Variants in GPRIN2 observed in about 807,000 individuals in gnomAD.
GPRIN2 encodes G protein regulated inducer of neurite outgrowth 2.
Under a neutral mutation model 0.3 loss-of-function variants are expected in GPRIN2, and 1 was observed. The ratio of observed to expected loss-of-function variants is 3.90; its 90% CI spans 1.39 to 18.51. The LOEUF is 18.51. Ranked by LOEUF, GPRIN2 falls within the 30% of genes most tolerant of loss-of-function variation. The probability of loss-of-function intolerance (pLI) is 0.11; values close to 1 mark genes in which losing one functional copy is unlikely to be tolerated. For missense variants in GPRIN2, 880 were observed against 604.2 expected, an observed-to-expected ratio of 1.46 and a Z score of -4.79; for synonymous variants, 361 against 258.6, an observed-to-expected ratio of 1.40 and a Z score of -3.80.
chr10:46,542,892 C>T lies in GPRIN2; in HGVS notation c.*6468G>A, dbSNP rs1392302908. 6.6e-6 allele frequency among the ~76,000 whole-genome samples: 1 copy of T among 152,310 alleles called. No individual in the cohort carries two copies. The highest frequency in any genetic ancestry group is 1.5e-5 in the Non-Finnish European group (1 of 68,056). ...GATGAGGAGATGGCCTGCCTAAAGCCAGCAGATGGGTGCCACCCACCTGAT... is the reference window on the plus strand; with the variant it reads ...GATGAGGAGATGGCCTGCCTAAAGCTAGCAGATGGGTGCCACCCACCTGAT... On this transcript the variant is annotated 3_prime_UTR_variant, in exon 3 of 3. Coordinates refer to ENST00000374314, the MANE Select transcript of GPRIN2 (RefSeq NM_001385282.1).
chr10:46,550,488 T>TC lies in GPRIN2; in HGVS notation c.248dup (p.Pro84ThrfsTer22). ...TCCACCAGTGGCCTCCAGCACTGGG[T>TC]CGCGCCTTGGGGCCAGAGGCCCGTG... is the stretch of plus-strand genomic sequence containing the variant. On this transcript the variant is annotated frameshift_variant, in exon 3 of 3. Transcript: ENST00000374314. LOFTEE classifies it low-confidence loss of function (END_TRUNC). 6.2e-7 allele frequency: 1 copy of TC among 1,609,378 alleles called. No individual in the cohort carries two copies. Among genetic ancestry groups the TC allele is most frequent in the East Asian group, 2.2e-5 (1 of 44,728 alleles).
In GPRIN2 at chr10:46,552,883, G is replaced by C. The variant is rs1832084519; in HGVS notation, c.-7+1702C>G. Among the ~76,000 whole-genome samples, 40 of 152,388 alleles carry C rather than the reference G, an allele frequency of 2.6e-4. No individual in the cohort carries two copies. In the South Asian group the frequency reaches 8.1e-3, roughly 31 times the overall value. On this transcript the variant is annotated intron_variant, in intron 2 of 2. Transcript: ENST00000374314. ...TTGTCCCTGGGAGGATCAGGAAGAG[G>C]AGGAGTAGCCAAGAGAGAAATCTGA...
chr10:46,555,438 C>T (rs1831913367), intron 1 of GPRIN2: 7 of 153,742 alleles, frequency 4.6e-5, no homozygotes, highest in African/African-American at 1.4e-4. Context: ...GGATACAGCA[C>T]CCTCCAGGAG....
Position 46,547,619 on chromosome 10 carries a change from G to A in GPRIN2, c.*1741C>T, listed in dbSNP as rs1842284598. Among the ~76,000 whole-genome samples the A allele has an allele frequency of 6.6e-6, 1 of 152,312 alleles. No homozygotes were observed. The highest frequency in any genetic ancestry group is 1.5e-5 in the Non-Finnish European group (1 of 68,058). On this transcript the variant is annotated 3_prime_UTR_variant, in exon 3 of 3. Coordinates refer to ENST00000374314, the MANE Select transcript of GPRIN2 (RefSeq NM_001385282.1). Reference sequence around the variant, plus strand: ...TACTTAGCTATGGCCCTGTGTGAAAGGTCCCTCCCCATGCACCCACAGCCA... The same window carrying A: ...TACTTAGCTATGGCCCTGTGTGAAAAGTCCCTCCCCATGCACCCACAGCCA...
chr10:46,556,396 G>A (rs935095043), intron 1 of GPRIN2, among the ~76,000 whole-genome samples, 102 bp downstream of exon 1: 1 of 152,302 alleles, frequency 6.6e-6, no homozygotes, highest in Non-Finnish European at 1.5e-5. Flanking sequence ...GGGGGTCTGA[G>A]CGCAGGCAGC....
rs1309901362 is a variant in GPRIN2, at chr10:46,549,010, A to G, written c.*350T>C. 1 of 356,998 alleles carries G rather than the reference A, an allele frequency of 2.8e-6. No individual in the cohort carries two copies. The highest frequency in any genetic ancestry group is 5.2e-6 in the Non-Finnish European group (1 of 192,716). 22.1% of individuals were successfully genotyped at this position (356,998 alleles called of 1,614,324 possible). ...ACTGATTTCAAATAAAGCCACCAAG[A>G]GTCTGACGAGGCAACATGGCAGAGT... On this transcript the variant is annotated 3_prime_UTR_variant, in exon 3 of 3. Transcript: ENST00000374314.
chr10:46,548,954 A>C lies in GPRIN2; in HGVS notation c.*406T>G. 4.5e-6 allele frequency: 1 copy of C among 223,256 alleles called. No homozygotes were observed. The highest frequency in any genetic ancestry group is 9.8e-5 in the East Asian group (1 of 10,184). 13.8% of individuals were successfully genotyped at this position (223,256 alleles called of 1,614,324 possible). On this transcript the variant is annotated 3_prime_UTR_variant, in exon 3 of 3. Coordinates refer to ENST00000374314, the MANE Select transcript of GPRIN2 (RefSeq NM_001385282.1). ...GCAGTCCCTGTCACTGGGGCCTCAC[A>C]TTTCATGTCGAGAATTCACTATTTC...
In GPRIN2 at chr10:46,549,566, A is replaced by T; in HGVS notation, c.1171T>A (p.Trp391Arg). Residue 391 changes from tryptophan (W) to arginine (R), a missense_variant, in exon 3 of 3, where the codon TGG (tryptophan) becomes AGG (arginine). Physicochemically the swap from Trp to Arg is moderately radical, Grantham distance 101. Transcript: ENST00000374314. The stretch of plus-strand genomic sequence containing the variant: ...TCCACCGCAGCTCCGTACACCTCCC[A>T]TGTCATGCCCTCAGCATCCCATCGC... Reference protein sequence around the residue: ...DVRWDAEGMTWEVYGAAVDLE... With the variant: ...DVRWDAEGMTREVYGAAVDLE... 1 of 1,614,134 alleles carries T rather than the reference A, an allele frequency of 6.2e-7. No individual in the cohort carries two copies. Among genetic ancestry groups the T allele is most frequent in the Non-Finnish European group, 8.5e-7 (1 of 1,179,930 alleles).
At chr10:46,553,216 G>A (rs1832060135) in intron 2 of GPRIN2, among the ~76,000 whole-genome samples, 1,583 of 151,504 alleles carry the variant, frequency 0.01, no homozygotes, top group African/African-American at 0.035. Context: ...CCTATGCCTC[G>A]CAGCTCTCAC....
Position 46,549,713 on chromosome 10 carries a change from C to T in GPRIN2, c.1024G>A (p.Val342Met). 3 of 1,613,982 alleles carry T rather than the reference C, an allele frequency of 1.9e-6. No homozygotes were observed. Among genetic ancestry groups the T allele is most frequent in the Non-Finnish European group, 2.5e-6 (3 of 1,179,934 alleles). ...GTGGCCACAGCCTTGCAGGCCGCCA[C>T]TGGGGCCGCCTGCACACCAGCATCC... ...AQDAGVQAAP[V>M]AACKAVATSP... The change falls in exon 3 of 3, where the codon GTG (valine) becomes ATG (methionine). Residue 342 changes from valine (V) to methionine (M), a missense_variant. By Grantham distance (21) the Val-to-Met change is conservative. Coordinates refer to ENST00000374314, the MANE Select transcript of GPRIN2 (RefSeq NM_001385282.1).
chr10:46,549,564 C>G lies in GPRIN2; in HGVS notation c.1173G>C (p.Trp391Cys), dbSNP rs1832677962. 6.2e-7 allele frequency: 1 copy of G among 1,614,150 alleles called. No individual in the cohort carries two copies. Among genetic ancestry groups the G allele is most frequent in the Admixed American group, 1.7e-5 (1 of 60,036 alleles). The part of the protein sequence containing the change: ...DVRWDAEGMT[W>C]EVYGAAVDLE... The stretch of plus-strand genomic sequence containing the variant: ...GGTCCACCGCAGCTCCGTACACCTC[C>G]CATGTCATGCCCTCAGCATCCCATC... The change falls in exon 3 of 3, where the codon TGG (tryptophan) becomes TGC (cysteine). Residue 391 changes from tryptophan to cysteine, a missense_variant. Coordinates refer to ENST00000374314, the MANE Select transcript of GPRIN2 (RefSeq NM_001385282.1).
upstream of GPRIN2, among the ~76,000 whole-genome samples, chr10:46,556,778 C>T (rs1167029129): frequency 1.3e-5 from 2 of 152,260 alleles, no homozygotes; most frequent in African/African-American, 4.8e-5. Flanking sequence ...GGCCCGGGAT[C>T]TGCGTCCGCG....
Position 46,542,864 on chromosome 10 carries a change from A to G in GPRIN2, c.*6496T>C, listed in dbSNP as rs1841863034. Among the ~76,000 whole-genome samples the G allele has an allele frequency of 6.6e-6, 1 of 152,430 alleles. No individual in the cohort carries two copies. Among genetic ancestry groups the G allele is most frequent in the South Asian group, 2.1e-4 (1 of 4,834 alleles). On this transcript the variant is annotated 3_prime_UTR_variant, in exon 3 of 3. Transcript: ENST00000374314. The stretch of plus-strand genomic sequence containing the variant: ...AGCCATGCAAGAAGATTCTGAAAAC[A>G]TGGATGAGGAGATGGCCTGCCTAAA...
chr10:46,556,916 C>T (rs1843309807), upstream of GPRIN2, among the ~76,000 whole-genome samples: 2 of 152,310 alleles, frequency 1.3e-5, no homozygotes, highest in Non-Finnish European at 1.5e-5. Context: ...ACTCCCACTT[C>T]CCCGACGCAA....
At position 46,545,046 on chromosome 10, in the gene GPRIN2, TG is replaced by T. The variant is rs1842033762; in HGVS notation, c.*4313del. 6.6e-6 allele frequency among the ~76,000 whole-genome samples: 1 copy of T among 152,308 alleles called. No homozygotes were observed. Among genetic ancestry groups the T allele is most frequent in the Non-Finnish European group, 1.5e-5 (1 of 68,056 alleles). On this transcript the variant is annotated 3_prime_UTR_variant, in exon 3 of 3. Transcript: ENST00000374314. Reference sequence around the variant, plus strand: ...ATGAAAAAGGAGAAGGAATTTAACATGGGCAAATGCCAAGCTCTGCATTTAA... The same window carrying T: ...ATGAAAAAGGAGAAGGAATTTAACATGGCAAATGCCAAGCTCTGCATTTAA...
At position 46,548,891 on chromosome 10, in the gene GPRIN2, G is replaced by C. The variant is rs1023360069; in HGVS notation, c.*469C>G. Among the ~76,000 whole-genome samples, 111 of 152,258 alleles carry C rather than the reference G, an allele frequency of 7.3e-4. No homozygotes were observed. The highest frequency in any genetic ancestry group is 1.4e-3 in the Non-Finnish European group (94 of 68,008). On this transcript the variant is annotated 3_prime_UTR_variant, in exon 3 of 3. Transcript: ENST00000374314. ...AAGCACAGTATGTGGCACACAGGAG[G>C]CCTCTGATAACATCAGTCCCCTTCC...
rs1022736397 is a variant in GPRIN2, at chr10:46,542,602, C to A, written c.*6758G>T. ...AAGTTTCCTGAGGCTCCCCGGGCCA[C>A]GTGGAACTGTGAGTCAATTAAACCT... On this transcript the variant is annotated 3_prime_UTR_variant, in exon 3 of 3. Transcript: ENST00000374314. 2.0e-5 allele frequency among the ~76,000 whole-genome samples: 3 copies of A among 152,302 alleles called. No individual in the cohort carries two copies. Among genetic ancestry groups the A allele is most frequent in the Non-Finnish European group, 4.4e-5 (3 of 68,056 alleles).
At position 46,550,915 on chromosome 10, in the gene GPRIN2, C is replaced by G. The variant is rs1832231133; in HGVS notation, c.-6-173G>C. On this transcript the variant is annotated intron_variant, in intron 2 of 2. Coordinates refer to ENST00000374314, the MANE Select transcript of GPRIN2 (RefSeq NM_001385282.1). ...GTGAGTGACAAGACACCAGACACTTCAAATCAAGGTCATCTCACATTAGAC... is the reference window on the plus strand; with the variant it reads ...GTGAGTGACAAGACACCAGACACTTGAAATCAAGGTCATCTCACATTAGAC... Among the ~76,000 whole-genome samples the G allele has an allele frequency of 9.8e-5, 15 of 152,420 alleles. No homozygotes were observed. The South Asian group carries it at 3.1e-3, about 32-fold the overall frequency.
intron 1 of GPRIN2, among the ~76,000 whole-genome samples, chr10:46,556,291 A>G (rs1831838184): frequency 0.84 from 128,428 of 152,120 alleles, 52,370 homozygotes; most frequent in East Asian, 0.95. Context: ...GAGGAGACGT[A>G]GAAGAGGGGA....
Sources: gnomAD v4.1 joint callset for allele counts (sites outside exome capture counted in the v4.1 genomes callset) on GRCh38, gnomAD v4.1.1 for gene constraint, MANE v1.5 for transcripts, NCBI Gene and HGNC (gene_info 2026-07-23, HGNC 2026-07-21) for gene names.